The following DRD3 variants were observed in gnomAD, a reference collection of about 807,000 sequenced individuals.
DRD3 encodes the protein D(3) dopamine receptor.
DRD3 carries 19 observed loss-of-function variants against 36.3 expected under a neutral mutation model. That is an observed-to-expected ratio of 0.52 (90% CI 0.36 to 0.77). DRD3 has a LOEUF of 0.77. DRD3 is among the 30% of genes least tolerant of loss of function. The pLI is 0.00. For synonymous variants in DRD3, 195 were observed against 203.7 expected (o/e 0.96, Z 0.36); for missense variants, 465 against 505.3 (o/e 0.92, Z 0.77).
chr3:114,187,532 T>A (rs9861047), intron 1 of DRD3, among the ~76,000 whole-genome samples: 9 of 152,330 alleles, frequency 5.9e-5, no homozygotes, highest in Non-Finnish European at 1.0e-4. Flanking sequence ...TCCTTTGCAA[T>A]CTTGTCATTG....
chr3:114,135,008 G>A, intron 5 of DRD3, among the ~76,000 whole-genome samples: 1 of 152,064 alleles, frequency 6.6e-6, no homozygotes, highest in Non-Finnish European at 1.5e-5. Context: ...TGTGCTATTA[G>A]ACACTAGAAC....
chr3:114,153,623 T>A (rs577007789), intron 3 of DRD3, among the ~76,000 whole-genome samples: 4 of 152,324 alleles, frequency 2.6e-5, no homozygotes, highest in Non-Finnish European at 4.4e-5. Flanking sequence ...CAAGGTCACA[T>A]TGCTATTAAA....
intron 2 of DRD3, among the ~76,000 whole-genome samples, chr3:114,167,312 T>C (rs1451704737): frequency 6.6e-6 from 1 of 152,170 alleles, no homozygotes; most frequent in African/African-American, 2.4e-5. Flanking sequence ...TCACAAAAGG[T>C]GCTTCACTGA....
chr3:114,165,048 G>T (rs2077770589), intron 2 of DRD3, among the ~76,000 whole-genome samples: 1 of 152,222 alleles, frequency 6.6e-6, no homozygotes, highest in South Asian at 2.1e-4. Flanking sequence ...ACTGCGCCTT[G>T]CCAGAAGAAT....
At chr3:114,129,267 C>G (rs187951379) in intron 6 of DRD3, among the ~76,000 whole-genome samples, 1 of 151,896 alleles carries the variant, frequency 6.6e-6, no homozygotes, top group Non-Finnish European at 1.5e-5. Flanking sequence ...TGCTTGAGCC[C>G]GGGAGGCAGA....
At position 114,127,708 on chromosome 3, in the gene DRD3, T is replaced by A. The variant is rs1032116199; in HGVS notation, c.*1008A>T. Among the ~76,000 whole-genome samples the A allele has an allele frequency of 6.6e-6, 1 of 152,234 alleles. No individual in the cohort carries two copies. The highest frequency in any genetic ancestry group is 2.4e-5 in the African/African-American group (1 of 41,456). On this transcript the variant is annotated 3_prime_UTR_variant, in exon 7 of 7. Transcript: ENST00000383673. The stretch of plus-strand genomic sequence containing the variant: ...AGCATCACCACAGACATGTAAATAA[T>A]GCATTGAGCTATGATGTTGCAACAG...
chr3:114,182,978 A>T (rs1245631653), upstream of DRD3, among the ~76,000 whole-genome samples: 1 of 152,132 alleles, frequency 6.6e-6, no homozygotes, highest in Non-Finnish European at 1.5e-5. Context: ...TCTTTTTGAG[A>T]TCCTGTTTTC....
chr3:114,161,818 T>C (rs910613806), intron 2 of DRD3, among the ~76,000 whole-genome samples: 2 of 152,246 alleles, frequency 1.3e-5, no homozygotes, highest in African/African-American at 2.4e-5. Context: ...AGTTGCATAC[T>C]GTAAAAGCGT....
intron 1 of DRD3, among the ~76,000 whole-genome samples, chr3:114,177,496 A>G (rs2077911828): frequency 6.6e-6 from 1 of 152,166 alleles, no homozygotes; most frequent in African/African-American, 2.4e-5. Context: ...TTCTAATCAG[A>G]GATAAAATGG....
intron 1 of DRD3, among the ~76,000 whole-genome samples, chr3:114,185,642 T>C (rs1418688559): frequency 6.6e-6 from 1 of 152,102 alleles, no homozygotes; most frequent in East Asian, 1.9e-4. Flanking sequence ...AAAAATTGAA[T>C]GTGCCATACT....
At chr3:114,129,000 T>G in intron 6 of DRD3, 88 bp from the exon 7 acceptor site, 2 of 1,377,530 alleles carry the variant, frequency 1.5e-6, no homozygotes, top group Non-Finnish European at 1.9e-6. Flanking sequence ...TTGTCTACTT[T>G]ATGCCAGCCA....
At chr3:114,156,276 C>T (rs950293412) in intron 3 of DRD3, among the ~76,000 whole-genome samples, 9 of 152,204 alleles carry the variant, frequency 5.9e-5, no homozygotes, top group African/African-American at 2.2e-4. Context: ...TTCCAGATCA[C>T]ATTACTTCCT....
chr3:114,183,456 G>C (rs1256565662), upstream of DRD3, among the ~76,000 whole-genome samples: 1 of 151,974 alleles, frequency 6.6e-6, no homozygotes, highest in Non-Finnish European at 1.5e-5. Context: ...TTATTGTGTT[G>C]TTTATATCCT....
intron 1 of DRD3, among the ~76,000 whole-genome samples, chr3:114,184,725 G>A (rs903155653): frequency 2.6e-5 from 4 of 151,916 alleles, no homozygotes; most frequent in African/African-American, 9.7e-5. Context: ...ACCATATCTG[G>A]CTAATTTTTT....
In DRD3 at chr3:114,171,208, C is replaced by T. The variant is rs533054585; in HGVS notation, c.270+515G>A. ...AGAACTGGTACCCAGGAGGAAAGAG[C>T]AAAGAGGGACTGAGCCATCGAAAGA... On this transcript the variant is annotated intron_variant, in intron 2 of 6. Transcript: ENST00000383673. Among the ~76,000 whole-genome samples the T allele has an allele frequency of 2.6e-5, 4 of 152,276 alleles. No homozygotes were observed. In the South Asian group the frequency reaches 8.3e-4, roughly 32 times the overall value.
intron 1 of DRD3, among the ~76,000 whole-genome samples, chr3:114,176,970 G>A (rs1251706442): frequency 6.6e-6 from 1 of 152,184 alleles, no homozygotes; most frequent in African/African-American, 2.4e-5. Flanking sequence ...ATATCTTGCT[G>A]AGATCACAAA....
chr3:114,146,414 G>A (rs1008750126), intron 4 of DRD3, among the ~76,000 whole-genome samples: 2 of 152,060 alleles, frequency 1.3e-5, no homozygotes, highest in African/African-American at 2.4e-5. Flanking sequence ...CCTTTCATTC[G>A]ACACGTTAAA....
chr3:114,186,134 G>A (rs150825525), intron 1 of DRD3, among the ~76,000 whole-genome samples: 2,293 of 152,166 alleles, frequency 0.015, 65 homozygotes, highest in African/African-American at 0.052. Context: ...AATTTTCCCT[G>A]TATATGCATT....
intron 4 of DRD3, among the ~76,000 whole-genome samples, chr3:114,145,449 A>G (rs2077561959): frequency 6.6e-6 from 1 of 152,256 alleles, no homozygotes; most frequent in Non-Finnish European, 1.5e-5. Context: ...TAACGCAAAG[A>G]TAACATCACC....
Sources: allele counts gnomAD v4.1 joint callset (sites outside exome capture counted in the v4.1 genomes callset), GRCh38; gene constraint gnomAD v4.1.1; transcripts MANE v1.5; gene names NCBI Gene and HGNC (gene_info 2026-07-23, HGNC 2026-07-21).